PKIA: variants seen among roughly 807,000 people sequenced by gnomAD.
PKIA encodes cAMP-dependent protein kinase inhibitor alpha, also known as PKI-alpha.
A neutral mutation model predicts 7.6 loss-of-function variants in PKIA; 4 were observed. The observed-to-expected ratio is 0.52, with a 90% CI of 0.26 to 1.20. The LOEUF is 1.20. PKIA is among the 50% of genes most tolerant of loss of function. The probability of loss-of-function intolerance (pLI) is 0.13; values close to 1 mark genes in which losing one functional copy is unlikely to be tolerated. For synonymous variants in PKIA, 21 were observed against 30.7 expected (o/e 0.68, Z 1.04); for missense variants, 73 against 86.2 (o/e 0.85, Z 0.61).
At chr8:78,520,984 A>T (rs1809404634) in intron 1 of PKIA, among the ~76,000 whole-genome samples, 1 of 152,154 alleles carries the variant, frequency 6.6e-6, no homozygotes, top group African/African-American at 2.4e-5. Flanking sequence ...AAGACAGCTG[A>T]TGACTAGGAA....
In PKIA at chr8:78,572,495, T is replaced by C. The variant is rs148022907; in HGVS notation, c.-156-316T>C. On this transcript the variant is annotated intron_variant, in intron 1 of 3. Transcript: ENST00000396418. ...TGCCCGCTAAATCACTGACTAGTAG[T>C]CAACAGATTTCTTTCCCCACCACCC... Among the ~76,000 whole-genome samples, 828 of 149,156 alleles carry C rather than the reference T, an allele frequency of 5.6e-3. 9 individuals carry two copies. Among genetic ancestry groups the C allele is most frequent in the African/African-American group, 0.019 (769 of 40,314 alleles).
At chr8:78,565,451 G>A (rs1249613935) in intron 1 of PKIA, among the ~76,000 whole-genome samples, 1 of 151,846 alleles carries the variant, frequency 6.6e-6, no homozygotes, top group African/African-American at 2.4e-5. Context: ...TCTGTTATAA[G>A]GATTTTATAT....
At chr8:78,566,360 GA>G (rs1807413451) in intron 1 of PKIA, among the ~76,000 whole-genome samples, 1 of 151,992 alleles carries the variant, frequency 6.6e-6, no homozygotes, top group South Asian at 2.1e-4. Flanking sequence ...AAGGCAAAGA[GA>G]AAAATAGCCT....
intron 2 of PKIA, among the ~76,000 whole-genome samples, chr8:78,580,151 T>A (rs1807771511): frequency 6.6e-6 from 1 of 152,076 alleles, no homozygotes; most frequent in Non-Finnish European, 1.5e-5. Flanking sequence ...TTGCGAAGTA[T>A]TAAAATATTT....
At chr8:78,524,853 G>T (rs1262806057) in intron 1 of PKIA, among the ~76,000 whole-genome samples, 1 of 151,640 alleles carries the variant, frequency 6.6e-6, no homozygotes, top group Non-Finnish European at 1.5e-5. Flanking sequence ...AACTCAAATG[G>T]CCAGTATGGT....
chr8:78,559,594 T>C (rs1430021844), intron 1 of PKIA, among the ~76,000 whole-genome samples: 1 of 152,204 alleles, frequency 6.6e-6, no homozygotes, highest in Non-Finnish European at 1.5e-5. Flanking sequence ...ATGACTGATC[T>C]CAAGTTCTCT....
intron 1 of PKIA, among the ~76,000 whole-genome samples, chr8:78,536,859 TACACACACAC>T (rs58547049): frequency 0.03 from 4,103 of 136,086 alleles, 89 homozygotes; most frequent in African/African-American, 0.058. Flanking sequence ...CTAGAAAACA[TACACACACAC>T]ACACACACAC....
intron 1 of PKIA, among the ~76,000 whole-genome samples, chr8:78,558,995 C>T (rs1197531881): frequency 6.6e-6 from 1 of 152,184 alleles, no homozygotes; most frequent in Admixed American, 6.5e-5. Context: ...CATCTCGGCT[C>T]ACTGCAACCT....
chr8:78,601,680 T>C (rs987989468), intron 3 of PKIA, 62 bp from the exon 4 acceptor site: 4 of 1,214,510 alleles, frequency 3.3e-6, no homozygotes, highest in East Asian at 2.4e-5. Flanking sequence ...ATATTGACAG[T>C]TGGTAAATAA....
At chr8:78,543,076 A>T (rs1806736689) in intron 1 of PKIA, among the ~76,000 whole-genome samples, 1 of 152,180 alleles carries the variant, frequency 6.6e-6, no homozygotes, top group African/African-American at 2.4e-5. Context: ...ACACGCAAAT[A>T]TACGTGTGCC....
intron 1 of PKIA, among the ~76,000 whole-genome samples, chr8:78,546,725 T>C (rs566973477): frequency 1.3e-5 from 2 of 152,324 alleles, no homozygotes; most frequent in South Asian, 4.1e-4. Flanking sequence ...CATAAATATG[T>C]TGATTCTTGT....
In PKIA at chr8:78,604,725, C is replaced by G. The variant is rs762834690; in HGVS notation, c.*2904C>G. 1 of 151,942 alleles carries G rather than the reference C, an allele frequency of 6.6e-6. No homozygotes were observed. Among genetic ancestry groups the G allele is most frequent in the African/African-American group, 2.4e-5 (1 of 41,406 alleles). The allele number at this position is 151,942 out of a possible 1,614,324, so 9.4% of individuals were successfully genotyped here. The stretch of plus-strand genomic sequence containing the variant: ...GCTACTCATTTTGTTTAATTACCAA[C>G]AAACATGGGGACTTTGGCTTTTTGA... On this transcript the variant is annotated 3_prime_UTR_variant, in exon 4 of 4. Coordinates refer to ENST00000396418, the MANE Select transcript of PKIA (RefSeq NM_006823.4).
intron 2 of PKIA, among the ~76,000 whole-genome samples, chr8:78,594,411 A>G (rs193010518): frequency 2.6e-5 from 4 of 152,292 alleles, no homozygotes; most frequent in Admixed American, 2.6e-4. Flanking sequence ...AAGGCTTTAA[A>G]AGAAATGCTA....
intron 1 of PKIA, among the ~76,000 whole-genome samples, chr8:78,550,036 G>T (rs1325083789): frequency 6.6e-6 from 1 of 151,996 alleles, no homozygotes; most frequent in East Asian, 1.9e-4. Flanking sequence ...TCTTCCTCTT[G>T]TATAAAATCT....
chr8:78,597,071 T>C (rs1410895935), intron 2 of PKIA, among the ~76,000 whole-genome samples: 1 of 152,236 alleles, frequency 6.6e-6, no homozygotes, highest in East Asian at 1.9e-4. Context: ...CATGCTGTTT[T>C]AGGTTCCCAT....
intron 1 of PKIA, among the ~76,000 whole-genome samples, chr8:78,542,866 C>T (rs1437516627): frequency 2.0e-5 from 3 of 152,118 alleles, no homozygotes; most frequent in Non-Finnish European, 4.4e-5. Flanking sequence ...TGTCTCGTAT[C>T]CATCTGAAGA....
chr8:78,559,985 A>G (rs1258717655), intron 1 of PKIA, among the ~76,000 whole-genome samples: 1 of 152,212 alleles, frequency 6.6e-6, no homozygotes, highest in Admixed American at 6.5e-5. Context: ...TAATTCCTAA[A>G]GGTAATTTAT....
Position 78,601,725 on chromosome 8 carries a change from T to A in PKIA, c.152-17T>A. The A allele has an allele frequency of 7.5e-6, 12 of 1,598,304 alleles. No homozygotes were observed. Among genetic ancestry groups the A allele is most frequent in the Non-Finnish European group, 1.0e-5 (12 of 1,167,244 alleles). The stretch of plus-strand genomic sequence containing the variant: ...TTTTTATTTTGCCTTTATTCTGTTT[T>A]CGTTTTTCTTTTGCAGAAGGTGAAG... On this transcript the variant is annotated splice_polypyrimidine_tract_variant and intron_variant, in intron 3 of 3. Coordinates refer to ENST00000396418, the MANE Select transcript of PKIA (RefSeq NM_006823.4).
intron 1 of PKIA, chr8:78,536,043 T>C (rs945298511): frequency 6.6e-6 from 1 of 151,954 alleles, no homozygotes; most frequent in Non-Finnish European, 1.5e-5. Flanking sequence ...TCTTTTAACC[T>C]CCCTCTGCAT....
Sources: gnomAD v4.1 joint callset for allele counts (sites outside exome capture counted in the v4.1 genomes callset) on GRCh38, gnomAD v4.1.1 for gene constraint, MANE v1.5 for transcripts, NCBI Gene and HGNC (gene_info 2026-07-23, HGNC 2026-07-21) for gene names.